The following PIK3C2G variants were observed in gnomAD, a reference collection of about 807,000 sequenced individuals.
PIK3C2G encodes phosphatidylinositol 3-kinase C2 domain-containing subunit gamma.
PIK3C2G carries 168 observed loss-of-function variants against 181.1 expected under a neutral mutation model. The ratio of observed to expected loss-of-function variants is 0.93; its 90% confidence interval spans 0.82 to 1.05. PIK3C2G has a LOEUF of 1.05. PIK3C2G is among the 50% of genes least tolerant of loss of function. PIK3C2G has a pLI of 0.00. For missense variants in PIK3C2G, 1,869 were observed against 1,732.8 expected (o/e 1.08, Z -1.40); for synonymous variants, 573 against 592.2 (o/e 0.97, Z 0.47).
At chr12:18,323,800 T>C (rs1001850057) in intron 7 of PIK3C2G, among the ~76,000 whole-genome samples, 3 of 152,166 alleles carry the variant, frequency 2.0e-5, no homozygotes, top group Admixed American at 2.0e-4. Context: ...CTCTTAGAAG[T>C]TGAGCAAATC....
At chr12:18,460,950 T>C (rs1176348898) in intron 18 of PIK3C2G, among the ~76,000 whole-genome samples, 1 of 152,080 alleles carries the variant, frequency 6.6e-6, no homozygotes, top group Non-Finnish European at 1.5e-5. Flanking sequence ...TAGTTTACTG[T>C]AAGGATCAAA....
chr12:18,322,884 G>A (rs1951172410), intron 7 of PIK3C2G, among the ~76,000 whole-genome samples: 1 of 152,162 alleles, frequency 6.6e-6, no homozygotes, highest in Admixed American at 6.5e-5. Context: ...AACAAGGTCT[G>A]TAGTTTCCTT....
intron 5 of PIK3C2G, among the ~76,000 whole-genome samples, chr12:18,303,877 CA>C (rs1343836880): frequency 6.6e-6 from 1 of 151,450 alleles, no homozygotes; most frequent in Admixed American, 6.6e-5. Context: ...TTAAATGAAA[CA>C]ATTTTTTTAT....
chr12:18,317,427 A>G (rs1950917604), intron 6 of PIK3C2G, among the ~76,000 whole-genome samples: 1 of 152,176 alleles, frequency 6.6e-6, no homozygotes, highest in African/African-American at 2.4e-5. Flanking sequence ...TACTTTATAC[A>G]GTATATACAA....
chr12:18,562,580 A>G, intron 26 of PIK3C2G, 123 bp from the exon 27 acceptor site: 1 of 604,218 alleles, frequency 1.7e-6, no homozygotes, highest in Non-Finnish European at 2.9e-6. Context: ...TGGGCTCCAA[A>G]TAAACATACA....
At chr12:18,517,998 T>C (rs1942659257) in intron 24 of PIK3C2G, among the ~76,000 whole-genome samples, 1 of 152,220 alleles carries the variant, frequency 6.6e-6, no homozygotes. Flanking sequence ...ACCATGTGGT[T>C]TTTGTCATTG....
chr12:18,461,241 T>C (rs1201810019), intron 18 of PIK3C2G, among the ~76,000 whole-genome samples: 1 of 152,194 alleles, frequency 6.6e-6, no homozygotes, highest in Non-Finnish European at 1.5e-5. Context: ...AACTTACCAG[T>C]ACTATATAGT....
intron 18 of PIK3C2G, among the ~76,000 whole-genome samples, chr12:18,459,951 G>C (rs982703143): frequency 6.6e-6 from 1 of 152,148 alleles, no homozygotes; most frequent in Non-Finnish European, 1.5e-5. Context: ...TTTTAGTAGA[G>C]ACGGGGTTTC....
intron 2 of PIK3C2G, among the ~76,000 whole-genome samples, chr12:18,283,947 C>A (rs995604099): frequency 6.6e-6 from 1 of 152,096 alleles, no homozygotes; most frequent in Non-Finnish European, 1.5e-5. Flanking sequence ...TGCTGCTATG[C>A]AGGCTGCTGG....
intron 5 of PIK3C2G, among the ~76,000 whole-genome samples, chr12:18,305,147 G>A (rs1410435849): frequency 6.6e-6 from 1 of 152,058 alleles, no homozygotes; most frequent in Non-Finnish European, 1.5e-5. Flanking sequence ...CACAAAAATA[G>A]CACACCATAC....
chr12:18,441,131 T>C (rs1235164664), intron 18 of PIK3C2G, among the ~76,000 whole-genome samples: 1 of 152,052 alleles, frequency 6.6e-6, no homozygotes, highest in African/African-American at 2.4e-5. Flanking sequence ...TAACACTATA[T>C]AAAGCATCAA....
chr12:18,257,681 AAAG>A (rs1031213152), upstream of PIK3C2G, among the ~76,000 whole-genome samples: 12 of 151,596 alleles, frequency 7.9e-5, no homozygotes, highest in African/African-American at 2.7e-4. Context: ...AGAGAGAAAG[AAAG>A]AAGAAAAAAG....
the PIK3C2G span, among the ~76,000 whole-genome samples, chr12:18,722,773 A>G: frequency 6.6e-6 from 1 of 152,102 alleles, no homozygotes; most frequent in Non-Finnish European, 1.5e-5. Flanking sequence ...GTGTTCAAAA[A>G]TGAAGAACAA....
chr12:18,700,049 A>G, the PIK3C2G span: 1 of 1,015,600 alleles, frequency 9.8e-7, no homozygotes, highest in Non-Finnish European at 1.5e-6. Context: ...AATGATTTTC[A>G]TCTTTTCATA....
At chr12:18,555,896 T>C (rs1254286900) in intron 26 of PIK3C2G, among the ~76,000 whole-genome samples, 2 of 152,168 alleles carry the variant, frequency 1.3e-5, no homozygotes, top group Non-Finnish European at 1.5e-5. Flanking sequence ...ATGTCACCTT[T>C]GGTATGCATT....
At chr12:18,528,422 A>G (rs1310865378) in intron 24 of PIK3C2G, among the ~76,000 whole-genome samples, 1 of 152,196 alleles carries the variant, frequency 6.6e-6, no homozygotes, top group Non-Finnish European at 1.5e-5. Context: ...GTTGAAATTC[A>G]AAGAATTAAT....
chr12:18,374,828 G>A (rs1404760540), intron 13 of PIK3C2G, among the ~76,000 whole-genome samples: 1 of 152,132 alleles, frequency 6.6e-6, no homozygotes, highest in Non-Finnish European at 1.5e-5. Context: ...GTTTGGAAGT[G>A]TGTGGCACCT....
At chr12:18,562,163 C>G (rs915898523) in intron 26 of PIK3C2G, among the ~76,000 whole-genome samples, 7 of 152,216 alleles carry the variant, frequency 4.6e-5, no homozygotes, top group Non-Finnish European at 8.8e-5. Context: ...GACGGAGTCT[C>G]GCTCTGTCAC....
the PIK3C2G span, chr12:18,713,092 A>AAGC: frequency 2.8e-6 from 4 of 1,412,814 alleles, no homozygotes; most frequent in African/African-American, 1.4e-5. Context: ...TAAATGCATA[A>AAGC]ATGAGTCCAT....
Sources: gnomAD v4.1 joint callset for allele counts (sites outside exome capture counted in the v4.1 genomes callset) on GRCh38, gnomAD v4.1.1 for gene constraint, MANE v1.5 for transcripts, NCBI Gene and HGNC (gene_info 2026-07-23, HGNC 2026-07-21) for gene names.